Variants in GRM7 observed in about 807,000 individuals in gnomAD.
GRM7 encodes metabotropic glutamate receptor 7.
A neutral mutation model predicts 84.5 loss-of-function variants in GRM7; 35 were observed. The ratio of observed to expected loss-of-function variants is 0.41; its 90% CI spans 0.32 to 0.55. The LOEUF (loss-of-function observed/expected upper bound fraction) is 0.55, where lower values mean the gene tolerates loss of function less well. Among genes scored for constraint, GRM7 ranks in the 20% least tolerant of loss-of-function variants. GRM7 has a pLI of 0.19. For missense variants in GRM7, 1,003 were observed against 1,194.6 expected (o/e 0.84, Z 2.36); for synonymous variants, 487 against 455.1 (o/e 1.07, Z -0.89).
intron 1 of GRM7, among the ~76,000 whole-genome samples, chr3:7,059,479 A>T (rs142086530): frequency 1.3e-5 from 2 of 151,920 alleles, no homozygotes; most frequent in East Asian, 3.9e-4. Context: ...ACATTAAAAG[A>T]TTCACTCATA....
intron 9 of GRM7, among the ~76,000 whole-genome samples, chr3:7,700,663 T>C (rs942168333): frequency 6.6e-6 from 1 of 152,218 alleles, no homozygotes; most frequent in African/African-American, 2.4e-5. Context: ...TAAATCATTA[T>C]ACAACAGCCA....
At chr3:7,276,559 C>T (rs149853651) in intron 2 of GRM7, among the ~76,000 whole-genome samples, 19 of 151,690 alleles carry the variant, frequency 1.3e-4, no homozygotes, top group African/African-American at 2.7e-4. Context: ...ATGAAAATGG[C>T]GGTGGTGTCG....
chr3:7,626,547 G>A (rs1052055227), intron 8 of GRM7, among the ~76,000 whole-genome samples: 2 of 152,148 alleles, frequency 1.3e-5, no homozygotes, highest in Non-Finnish European at 2.9e-5. Flanking sequence ...TGAGAGCTGT[G>A]AAAAAGAGCA....
At chr3:7,365,333 A>G (rs1693830943) in intron 4 of GRM7, among the ~76,000 whole-genome samples, 1 of 151,292 alleles carries the variant, frequency 6.6e-6, no homozygotes, top group African/African-American at 2.4e-5. Context: ...GTTAACTCAC[A>G]CTCTTCTCTC....
At chr3:7,024,193 A>T (rs866524813) in intron 1 of GRM7, among the ~76,000 whole-genome samples, 1 of 152,032 alleles carries the variant, frequency 6.6e-6, no homozygotes. Flanking sequence ...TTTACAACAG[A>T]CCTATTTAAC....
At chr3:7,160,405 A>G (rs1328635438) in intron 2 of GRM7, among the ~76,000 whole-genome samples, 1 of 152,180 alleles carries the variant, frequency 6.6e-6, no homozygotes, top group African/African-American at 2.4e-5. Context: ...TCTTAACTAG[A>G]TACCCCAGTT....
intron 4 of GRM7, among the ~76,000 whole-genome samples, chr3:7,397,547 G>C (rs575937384): frequency 6.6e-6 from 1 of 152,228 alleles, no homozygotes; most frequent in South Asian, 2.1e-4. Context: ...AACTAAAGGA[G>C]TGGAATTTGA....
At chr3:7,453,801 T>C (rs552511802) in intron 6 of GRM7, among the ~76,000 whole-genome samples, 318 of 152,268 alleles carry the variant, frequency 2.1e-3, no homozygotes, top group Middle Eastern at 6.8e-3. Flanking sequence ...CTAATACTAA[T>C]AGGCTAAGCG....
chr3:7,270,289 G>T (rs1264321060), intron 2 of GRM7, among the ~76,000 whole-genome samples: 1 of 152,040 alleles, frequency 6.6e-6, no homozygotes, highest in Admixed American at 6.6e-5. Flanking sequence ...ATGTTTGATG[G>T]TTTTGATAAC....
chr3:7,534,718 C>T (rs1458969878), intron 7 of GRM7, among the ~76,000 whole-genome samples: 1 of 151,990 alleles, frequency 6.6e-6, no homozygotes, highest in Non-Finnish European at 1.5e-5. Context: ...GTTGAAGACC[C>T]ACTCCTTATC....
intron 2 of GRM7, among the ~76,000 whole-genome samples, chr3:7,261,893 C>CCTCT (rs1698436197): frequency 7.7e-6 from 1 of 129,408 alleles, no homozygotes; most frequent in South Asian, 3.3e-4. Flanking sequence ...GAATTCCCTC[C>CCTCT]CTCCCTCCCT....
intron 1 of GRM7, among the ~76,000 whole-genome samples, chr3:6,945,776 C>T (rs1414723858): frequency 6.6e-6 from 1 of 152,162 alleles, no homozygotes; most frequent in Non-Finnish European, 1.5e-5. Context: ...GAGATGGTAC[C>T]TCATTGTGGT....
intron 8 of GRM7, among the ~76,000 whole-genome samples, chr3:7,597,383 A>G (rs1419693541): frequency 1.3e-5 from 2 of 152,146 alleles, no homozygotes; most frequent in Admixed American, 1.3e-4. Flanking sequence ...TTACACTTCA[A>G]CATGAGATTT....
chr3:7,653,843 A>C (rs564395880), intron 8 of GRM7, among the ~76,000 whole-genome samples: 33 of 152,334 alleles, frequency 2.2e-4, no homozygotes, highest in African/African-American at 7.9e-4. Flanking sequence ...CAGGGTAGGT[A>C]AAGTTACACC....
chr3:6,997,316 C>A (rs1694859176), intron 1 of GRM7, among the ~76,000 whole-genome samples: 1 of 152,090 alleles, frequency 6.6e-6, no homozygotes, highest in Non-Finnish European at 1.5e-5. Flanking sequence ...TGTCACCCTT[C>A]TATAAAGACA....
intron 1 of GRM7, among the ~76,000 whole-genome samples, chr3:6,901,910 T>C (rs1037230532): frequency 6.6e-6 from 1 of 152,164 alleles, no homozygotes; most frequent in African/African-American, 2.4e-5. Flanking sequence ...TGTTGAACTC[T>C]CCTTGACTAT....
chr3:6,967,388 G>A (rs1193568993), intron 1 of GRM7, among the ~76,000 whole-genome samples: 3 of 151,970 alleles, frequency 2.0e-5, no homozygotes, highest in Non-Finnish European at 4.4e-5. Context: ...TAGAGACAGG[G>A]TTTTGCCATG....
rs571346723 is a variant in GRM7, at chr3:6,928,860, C to T, written c.519+66953C>T. 1.3e-5 allele frequency among the ~76,000 whole-genome samples: 2 copies of T among 152,264 alleles called. No homozygotes were observed. The highest frequency in any genetic ancestry group is 3.9e-4 in the East Asian group (2 of 5,178). ...GTCATTCATGATGATTAGGTTCCCC[C>T]ATATTTGAACTGGTACATAAAATGC... On this transcript the variant is annotated intron_variant, in intron 1 of 9. Transcript: ENST00000357716. This position sits in a 1 kb window ranked among gnomAD's most constrained non-coding sequence, Gnocchi z 4.5.
chr3:7,723,990 C>T (rs1702037837), intron 9 of GRM7, among the ~76,000 whole-genome samples: 2 of 152,272 alleles, frequency 1.3e-5, no homozygotes, highest in South Asian at 2.1e-4. Context: ...TCTAAGCTAG[C>T]TTCAAAGCAA....
Sources: allele counts gnomAD v4.1 joint callset (sites outside exome capture counted in the v4.1 genomes callset), GRCh38; gene constraint gnomAD v4.1.1; non-coding constraint Gnocchi (gnomAD v3.1); transcripts MANE v1.5; gene names NCBI Gene and HGNC (gene_info 2026-07-23, HGNC 2026-07-21).